The following KCNJ15 variants were observed in gnomAD, a reference collection of about 807,000 sequenced individuals.
The protein encoded by KCNJ15 is potassium inwardly rectifying channel subfamily J member 15, also known as ATP-sensitive inward rectifier potassium channel 15.
In KCNJ15, 14 loss-of-function variants were observed where a neutral mutation model predicts 23.0. The observed-to-expected ratio is 0.61, with a 90% CI of 0.40 to 0.95. The LOEUF is 0.95. KCNJ15 is among the 40% of genes least tolerant of loss of function. KCNJ15 has a pLI of 0.00. For synonymous variants in KCNJ15, 185 were observed against 183.2 expected (o/e 1.01, Z -0.08); for missense variants, 388 against 461.8 (o/e 0.84, Z 1.46).
rs1378785629 is a variant in KCNJ15, at chr21:38,304,469, C to G, written c.*4080C>G. ...TTTTAAGCGAAAGGTACTAACATTT[C>G]CAGTCTTGATTTCCAAGTTTTGTGG... On this transcript the variant is annotated 3_prime_UTR_variant, in exon 3 of 3. Transcript: ENST00000398938. 1 of 151,644 alleles carries G rather than the reference C, an allele frequency of 6.6e-6. No homozygotes were observed. Among genetic ancestry groups the G allele is most frequent in the African/African-American group, 2.4e-5 (1 of 41,260 alleles). 9.4% of individuals were successfully genotyped at this position (151,644 alleles called of 1,614,324 possible).
rs1165375629 is a variant in KCNJ15, at chr21:38,265,115, A to T, written c.-117+7930A>T. On this transcript the variant is annotated intron_variant, in intron 1 of 2. Transcript: ENST00000398938. The stretch of plus-strand genomic sequence containing the variant: ...TTAGCATCATTTCAGTCTCCTTCAA[A>T]CGCTATGTCTAGATCTGGCTTGTGT... Among the ~76,000 whole-genome samples the T allele has an allele frequency of 2.0e-5, 3 of 152,212 alleles. No homozygotes were observed. In the East Asian group the frequency reaches 5.8e-4, roughly 29 times the overall value.
upstream of KCNJ15, chr21:38,256,810 T>G (rs2123595876): frequency 6.6e-6 from 1 of 152,242 alleles, no homozygotes; most frequent in African/African-American, 2.4e-5. Flanking sequence ...CCTTAAGACC[T>G]TAAGACATGC....
In KCNJ15 at chr21:38,304,660, A is replaced by ATTTTTT. The variant is rs1167512010; in HGVS notation, c.*4272_*4273insTTTTTT. On this transcript the variant is annotated 3_prime_UTR_variant, in exon 3 of 3. Transcript: ENST00000398938. ...CTTTACCCTTTGTAAACTTCAATTT[A>ATTTTTT]TCTTTTTTTTTTTTTTTTTTTTTTT... The ATTTTTT allele has an allele frequency of 4.6e-4, 19 of 41,108 alleles. No homozygotes were observed. Among genetic ancestry groups the ATTTTTT allele is most frequent in the Non-Finnish European group, 9.7e-4 (14 of 14,364 alleles). 2.5% of individuals were successfully genotyped at this position (41,108 alleles called of 1,614,324 possible). A position where few individuals can be genotyped will look rare whatever the true frequency, so the allele number is the denominator to read the frequency against.
At chr21:38,261,442 G>T (rs1354528976) in intron 1 of KCNJ15, among the ~76,000 whole-genome samples, 1 of 152,168 alleles carries the variant, frequency 6.6e-6, no homozygotes, top group Non-Finnish European at 1.5e-5. Flanking sequence ...TCTCTTGAAT[G>T]AATGGTTGAA....
In KCNJ15 at chr21:38,271,790, C is replaced by T. The variant is rs1000733222; in HGVS notation, c.-117+14605C>T. ...CCTGTGCAGAAGGTCACTATAGGAA[C>T]ACATGGCACAGGGAAGAAAACGCCC... On this transcript the variant is annotated intron_variant, in intron 1 of 2. Coordinates refer to ENST00000398938, the MANE Select transcript of KCNJ15 (RefSeq NM_170736.3). Among the ~76,000 whole-genome samples, 9 of 152,292 alleles carry T rather than the reference C, an allele frequency of 5.9e-5. No individual in the cohort carries two copies. The South Asian group carries it at 8.3e-4, about 14-fold the overall frequency.
In KCNJ15 at chr21:38,299,676, T is replaced by A; in HGVS notation, c.415T>A (p.Cys139Ser). The A allele has an allele frequency of 6.2e-7, 1 of 1,614,136 alleles. No individual in the cohort carries two copies. Among genetic ancestry groups the A allele is most frequent in the Non-Finnish European group, 8.5e-7 (1 of 1,180,018 alleles). Reference protein sequence around the residue: ...GYGVRSITEECPHAIFLLVAQ... With the variant: ...GYGVRSITEESPHAIFLLVAQ... ...TGGAGTCCGTTCCATCACAGAGGAA[T>A]GTCCTCATGCCATCTTCCTGTTGGT... is the stretch of plus-strand genomic sequence containing the variant. Residue 139 changes from cysteine (C) to serine (S), a missense_variant, in exon 3 of 3, where the codon TGT (cysteine) becomes AGT (serine). Transcript: ENST00000398938. This position sits in a 1 kb window ranked among gnomAD's most constrained non-coding sequence, Gnocchi z 4.5.
chr21:38,261,359 C>T (rs1399852298), intron 1 of KCNJ15, among the ~76,000 whole-genome samples: 1 of 152,290 alleles, frequency 6.6e-6, no homozygotes, highest in Admixed American at 6.5e-5. Context: ...AAGTGAGGAA[C>T]CCTGAAGCTG....
intron 1 of KCNJ15, among the ~76,000 whole-genome samples, chr21:38,279,142 G>T (rs1171489717): frequency 2.0e-5 from 3 of 152,048 alleles, no homozygotes; most frequent in Non-Finnish European, 4.4e-5. Context: ...TAGACTCGGG[G>T]TGCTGAGTAT....
At chr21:38,239,512 C>CA (rs1052230975) in intron 1 of KCNJ15, among the ~76,000 whole-genome samples, 11 of 151,210 alleles carry the variant, frequency 7.3e-5, no homozygotes, top group African/African-American at 9.7e-5. Flanking sequence ...TGATGAGCTT[C>CA]AAAAAAAAAT....
chr21:38,248,809 T>A (rs1979629233), intron 1 of KCNJ15, among the ~76,000 whole-genome samples: 1 of 152,210 alleles, frequency 6.6e-6, no homozygotes, highest in South Asian at 2.1e-4. Flanking sequence ...AGGACCTTGA[T>A]GCTGGCCACC....
At chr21:38,231,850 T>C (rs1951865439) in intron 1 of KCNJ15, among the ~76,000 whole-genome samples, 1 of 151,924 alleles carries the variant, frequency 6.6e-6, no homozygotes, top group Admixed American at 6.6e-5. Context: ...CCTTTTTGTA[T>C]GTATCCATAT....
Position 38,233,935 on chromosome 21 carries a change from G to T in KCNJ15, c.-398-23111G>T, listed in dbSNP as rs145700514. On this transcript the variant is annotated intron_variant, in intron 1 of 4. Coordinates refer to the KCNJ15 transcript ENST00000547341. ...ATATAGTTTTATGTCTTTTAAAGAA[G>T]CTGAGAGAAGAAAGGAGAGAAATAC... Among the ~76,000 whole-genome samples the T allele has an allele frequency of 2.8e-3, 420 of 151,742 alleles. 1 individual carries two copies. Among genetic ancestry groups the T allele is most frequent in the African/African-American group, 1.0e-2 (410 of 41,162 alleles).
intron 1 of KCNJ15, among the ~76,000 whole-genome samples, chr21:38,258,931 C>G (rs962484499): frequency 5.9e-5 from 9 of 152,108 alleles, no homozygotes; most frequent in Admixed American, 5.9e-4. Flanking sequence ...TGGGCTCTTT[C>G]CCATAAGGCT....
At chr21:38,252,576 C>T (rs1226503753), upstream of KCNJ15, among the ~76,000 whole-genome samples, 1 of 152,144 alleles carries the variant, frequency 6.6e-6, no homozygotes, top group Non-Finnish European at 1.5e-5. Context: ...CTAGGATTCT[C>T]CTGGCATTTT....
intron 1 of KCNJ15, among the ~76,000 whole-genome samples, chr21:38,292,179 G>T (rs1244777613): frequency 2.0e-5 from 3 of 152,162 alleles, no homozygotes; most frequent in African/African-American, 4.8e-5. Flanking sequence ...CTTTGTGAAT[G>T]CATGTAAATT....
intron 1 of KCNJ15, among the ~76,000 whole-genome samples, chr21:38,295,532 T>C (rs1314843091): frequency 3.3e-5 from 5 of 151,288 alleles, no homozygotes; most frequent in Admixed American, 3.3e-4. Context: ...AAGTGAGTAC[T>C]GGTGGCAAGC....
At chr21:38,297,783 C>G (rs888877432) in intron 2 of KCNJ15, among the ~76,000 whole-genome samples, 1 of 152,098 alleles carries the variant, frequency 6.6e-6, no homozygotes, top group African/African-American at 2.4e-5. Context: ...TTCTTTTCAA[C>G]AAAAATGAAA....
chr21:38,266,385 G>A (rs183143605), intron 1 of KCNJ15, among the ~76,000 whole-genome samples: 19 of 152,198 alleles, frequency 1.2e-4, no homozygotes, highest in African/African-American at 4.1e-4. Flanking sequence ...GAGAATATGC[G>A]GTGTTTGGTT....
rs1985963370 is a variant in KCNJ15, at chr21:38,304,252, C to A, written c.*3863C>A. ...TCTCCTAATGCTATCCCTCCCCCCT[C>A]CCCCCACCCCACAACAGTCCCCGGT... is the stretch of plus-strand genomic sequence containing the variant. On this transcript the variant is annotated 3_prime_UTR_variant, in exon 3 of 3. Transcript: ENST00000398938. 1 of 102,772 alleles carries A rather than the reference C, an allele frequency of 9.7e-6. No individual in the cohort carries two copies. The highest frequency in any genetic ancestry group is 4.3e-4 in the South Asian group (1 of 2,316). 6.4% of individuals were successfully genotyped at this position (102,772 alleles called of 1,614,324 possible).
Sources: allele counts gnomAD v4.1 joint callset (sites outside exome capture counted in the v4.1 genomes callset), GRCh38; gene constraint gnomAD v4.1.1; non-coding constraint Gnocchi (gnomAD v3.1); transcripts MANE v1.5; gene names NCBI Gene and HGNC (gene_info 2026-07-23, HGNC 2026-07-21).